The following AP1AR variants were observed in gnomAD, a reference collection of about 807,000 sequenced individuals.
AP1AR encodes the protein adaptor related protein complex 1 associated regulatory protein.
A neutral mutation model predicts 46.3 loss-of-function variants in AP1AR; 29 were observed. That is an observed-to-expected ratio of 0.63 (90% CI 0.47 to 0.85). The LOEUF is 0.85. AP1AR is among the 40% of genes least tolerant of loss of function. The pLI is 0.00. For missense variants in AP1AR, 357 were observed against 356.3 expected (o/e 1.00, Z -0.02); for synonymous variants, 122 against 122.9 (o/e 0.99, Z 0.05).
At chr4:112,242,699 T>A (rs915626634) in intron 1 of AP1AR, among the ~76,000 whole-genome samples, 1 of 152,150 alleles carries the variant, frequency 6.6e-6, no homozygotes, top group Non-Finnish European at 1.5e-5. Flanking sequence ...TCATGAGGGA[T>A]CCACCACTGT....
Position 112,270,938 on chromosome 4 carries a change from A to C in AP1AR, c.*2529A>C, listed in dbSNP as rs1578427145. 6.6e-6 allele frequency among the ~76,000 whole-genome samples: 1 copy of C among 152,350 alleles called. No individual in the cohort carries two copies. The highest frequency in any genetic ancestry group is 1.9e-4 in the East Asian group (1 of 5,190). ...ATGGATTGTAAGAAGGCAAGAGTGG[A>C]TATATAGCACTCCCAATGGAATATA... On this transcript the variant is annotated 3_prime_UTR_variant, in exon 10 of 10. Coordinates refer to ENST00000274000, the MANE Select transcript of AP1AR (RefSeq NM_018569.6).
chr4:112,235,951 C>CT (rs1725221556), intron 1 of AP1AR, among the ~76,000 whole-genome samples: 2 of 152,068 alleles, frequency 1.3e-5, no homozygotes, highest in Admixed American at 1.3e-4. Flanking sequence ...CCTAGCTATT[C>CT]TTACTCTGTC....
intron 1 of AP1AR, among the ~76,000 whole-genome samples, chr4:112,232,541 C>T (rs1215977478): frequency 6.6e-6 from 1 of 152,234 alleles, no homozygotes; most frequent in East Asian, 1.9e-4. Flanking sequence ...GGTTTAACGC[C>T]AAAGCTAGTA....
At chr4:112,262,560 GA>G (rs1440281604) in intron 5 of AP1AR, among the ~76,000 whole-genome samples, 2 of 152,206 alleles carry the variant, frequency 1.3e-5, no homozygotes, top group Non-Finnish European at 2.9e-5. Context: ...ATGTTAATTA[GA>G]TGGCAAGACA....
intron 1 of AP1AR, among the ~76,000 whole-genome samples, chr4:112,243,178 T>C (rs1725582365): frequency 6.6e-6 from 1 of 152,246 alleles, no homozygotes; most frequent in South Asian, 2.1e-4. Context: ...CTCAACTTTA[T>C]GTGATACTGC....
intron 1 of AP1AR, among the ~76,000 whole-genome samples, chr4:112,233,976 A>G (rs1176320955): frequency 6.6e-6 from 1 of 152,126 alleles, no homozygotes; most frequent in African/African-American, 2.4e-5. Context: ...CTCCTGCCTC[A>G]GCCTCCTGAG....
At chr4:112,267,342 A>G (rs1384230343) in intron 9 of AP1AR, among the ~76,000 whole-genome samples, 2 of 151,912 alleles carry the variant, frequency 1.3e-5, no homozygotes, top group African/African-American at 2.4e-5. Flanking sequence ...TACAGATTCA[A>G]ATTTCTTTTC....
intron 5 of AP1AR, 80 bp from the exon 6 acceptor site, chr4:112,262,908 A>T (rs1726514765): frequency 1.4e-5 from 12 of 867,484 alleles, no homozygotes; most frequent in Middle Eastern, 5.0e-4. Context: ...TTTTTGTTTT[A>T]TAAATAGAAG....
chr4:112,245,596 A>G (rs1725697069), intron 1 of AP1AR, among the ~76,000 whole-genome samples: 1 of 152,232 alleles, frequency 6.6e-6, no homozygotes, highest in Non-Finnish European at 1.5e-5. Context: ...CTTGTGGCTA[A>G]TGGTTATCAT....
rs763511743 is a variant in AP1AR, at chr4:112,253,190, TTC to T, written c.84-16_84-15del. 6.2e-7 allele frequency: 1 copy of T among 1,601,666 alleles called. No individual in the cohort carries two copies. ...GAGTTAATTGTGTTTTTTAAAGTTA[TTC>T]TGTTTTCCTTCCCAGATCCAAGTAT... On this transcript the variant is annotated splice_polypyrimidine_tract_variant and intron_variant, in intron 1 of 9. Transcript: ENST00000274000.
At chr4:112,232,223 G>GCCCCCGGCGGGGAATCCCTTTCACCGT (rs1243915265) in intron 1 of AP1AR, 49 bp downstream of exon 1, 6 of 1,254,264 alleles carry the variant, frequency 4.8e-6, no homozygotes, top group Non-Finnish European at 6.0e-6. Flanking sequence ...CTCCTCTTCG[G>GCCCCCGGCGGGGAATCCCTTTCACCGT]CCCCCGGCGG....
intron 2 of AP1AR, among the ~76,000 whole-genome samples, chr4:112,253,825 A>G (rs1446669456): frequency 2.0e-5 from 3 of 152,166 alleles, no homozygotes; most frequent in Non-Finnish European, 4.4e-5. Context: ...ATATTACACA[A>G]CCTATTAAGT....
At chr4:112,251,510 G>T (rs966449174) in intron 1 of AP1AR, among the ~76,000 whole-genome samples, 1 of 152,200 alleles carries the variant, frequency 6.6e-6, no homozygotes, top group African/African-American at 2.4e-5. Flanking sequence ...CCTATTGATA[G>T]TATTACTGGG....
chr4:112,265,027 G>C lies in AP1AR; in HGVS notation c.400G>C (p.Val134Leu). The C allele has an allele frequency of 1.2e-6, 2 of 1,602,936 alleles. No homozygotes were observed. The highest frequency in any genetic ancestry group is 3.5e-5 in the Admixed American group (2 of 57,174). Reference protein sequence around the residue: ...KLLEQERQRIVQQYHPSNNGE... With the variant: ...KLLEQERQRILQQYHPSNNGE... ...TCCAAAGCAAGAAAGGCAGAGAATT[G>C]TGCAGCAATATCATCCTTCCAACAA... is the stretch of plus-strand genomic sequence containing the variant. The change falls in exon 7 of 10, where the codon GTG becomes CTG. Residue 134 changes from valine to leucine, a missense_variant. Around this residue, in one of 2 missense-constraint regions of AP1AR, gnomAD observed 269 missense variants for 223.6 expected, o/e 1.20. Transcript: ENST00000274000.
At chr4:112,232,298 C>T in intron 1 of AP1AR, 124 bp downstream of exon 1, 1 of 806,316 alleles carries the variant, frequency 1.2e-6, no homozygotes. Flanking sequence ...ACACTCACTG[C>T]TTAGCAGACG....
intron 6 of AP1AR, 104 bp from the exon 7 acceptor site, chr4:112,264,905 T>C (rs1726608815): frequency 1.2e-6 from 1 of 847,700 alleles, no homozygotes; most frequent in Admixed American, 3.0e-5. Context: ...ATAACTTTTT[T>C]TTTTAGAAAC....
intron 5 of AP1AR, among the ~76,000 whole-genome samples, chr4:112,261,935 C>T (rs745936336): frequency 3.3e-5 from 5 of 151,306 alleles, no homozygotes; most frequent in Non-Finnish European, 7.4e-5. Context: ...AGCCACTAGA[C>T]TCCAGCCTGG....
Position 112,246,880 on chromosome 4 carries a change from C to G in AP1AR, c.84-6328C>G, listed in dbSNP as rs1244655812. ...GGCTGAACTCTACCAACATTTCTTT[C>G]TCTATTTTGTATTCTTCTGTTTCTT... is the stretch of plus-strand genomic sequence containing the variant. On this transcript the variant is annotated intron_variant, in intron 1 of 9. Transcript: ENST00000274000. Among the ~76,000 whole-genome samples the G allele has an allele frequency of 3.3e-5, 5 of 152,188 alleles. No homozygotes were observed. In the East Asian group the frequency reaches 9.6e-4, roughly 29 times the overall value.
At chr4:112,260,681 A>G (rs970141523) in intron 4 of AP1AR, 85 bp from the exon 5 acceptor site, 4 of 820,640 alleles carry the variant, frequency 4.9e-6, no homozygotes, top group Non-Finnish European at 7.3e-6. Flanking sequence ...TGAGAATTTC[A>G]CTGGCTTTTT....
Sources: allele counts gnomAD v4.1 joint callset (sites outside exome capture counted in the v4.1 genomes callset), GRCh38; gene constraint gnomAD v4.1.1; regional missense constraint gnomAD v4.1.1; transcripts MANE v1.5; gene names NCBI Gene and HGNC (gene_info 2026-07-23, HGNC 2026-07-21).